Variants in SLIT1 observed in about 807,000 individuals in gnomAD.
The protein encoded by SLIT1 is slit homolog 1 protein.
In SLIT1, 66 loss-of-function variants were observed where a neutral mutation model predicts 186.1. The observed-to-expected ratio is 0.35, with a 90% CI of 0.29 to 0.44. SLIT1 has a LOEUF of 0.44. Ranked by LOEUF, SLIT1 falls within the 20% of genes least tolerant of loss-of-function variation. The pLI is 1.00. For missense variants in SLIT1, 1,638 were observed against 2,037.4 expected (o/e 0.80, Z 3.77); for synonymous variants, 761 against 833.8 (o/e 0.91, Z 1.50).
Position 97,031,035 on chromosome 10 carries a change from C to T in SLIT1, c.2511-207G>A, listed in dbSNP as rs113769001. ...CAGACGGCCCTGTCCCCAAGCCCTT[C>T]GGAGGACTGAAACACTGTGTTTACA... On this transcript the variant is annotated intron_variant, in intron 24 of 36. Coordinates refer to ENST00000266058, the MANE Select transcript of SLIT1 (RefSeq NM_003061.3). Among the ~76,000 whole-genome samples, 55 of 150,746 alleles carry T rather than the reference C, an allele frequency of 3.6e-4. No individual in the cohort carries two copies. The South Asian group carries it at 3.7e-3, about 10-fold the overall frequency.
At chr10:97,038,405 G>T (rs528113885) in intron 21 of SLIT1, among the ~76,000 whole-genome samples, 1 of 152,296 alleles carries the variant, frequency 6.6e-6, no homozygotes, top group Admixed American at 6.5e-5. Flanking sequence ...TCTTCTGTCT[G>T]TTCTCTGCAC....
intron 28 of SLIT1, among the ~76,000 whole-genome samples, chr10:97,014,401 T>C (rs1353648207): frequency 6.6e-6 from 1 of 152,132 alleles, no homozygotes; most frequent in East Asian, 1.9e-4. Context: ...AGGACCAGGA[T>C]GGTGTAAGCA....
In SLIT1 at chr10:97,004,556, G is replaced by T; in HGVS notation, c.3710+137C>A. ...TCAGCCCCAAGCTGGGGCTAACCCA[G>T]ATGGTTCAAGTGTCCTTCAAACTCA... On this transcript the variant is annotated intron_variant, in intron 33 of 36. Transcript: ENST00000266058. This position sits in a 1 kb window ranked among gnomAD's most constrained non-coding sequence, Gnocchi z 5.1. The T allele has an allele frequency of 1.9e-6, 2 of 1,053,400 alleles. No homozygotes were observed. Among genetic ancestry groups the T allele is most frequent in the Non-Finnish European group, 2.8e-6 (2 of 705,838 alleles). The allele number at this position is 1,053,400 out of a possible 1,614,324, so 65.3% of individuals were successfully genotyped here.
At chr10:97,053,262 T>A (rs1436920025) in intron 13 of SLIT1, among the ~76,000 whole-genome samples, 1 of 152,232 alleles carries the variant, frequency 6.6e-6, no homozygotes, top group Non-Finnish European at 1.5e-5. Context: ...CTCCTTAGCA[T>A]GTTTCTCTCA....
At position 97,006,488 on chromosome 10, in the gene SLIT1, A is replaced by C; in HGVS notation, c.3574T>G (p.Leu1192Val). The C allele has an allele frequency of 3.1e-6, 5 of 1,612,826 alleles. No homozygotes were observed. Among genetic ancestry groups the C allele is most frequent in the Non-Finnish European group, 4.2e-6 (5 of 1,178,900 alleles). Residue 1192 changes from leucine to valine, a missense_variant, in exon 32 of 37, where the codon TTG becomes GTG. By Grantham distance (32) the Leu-to-Val change is conservative (BLOSUM62 1). Around this residue, in one of 3 missense-constraint regions of SLIT1, gnomAD observed 173 missense variants for 290.9 expected, o/e 0.59. Transcript: ENST00000266058. This position sits in a 1 kb window ranked among gnomAD's most constrained non-coding sequence, Gnocchi z 4.0. ...CCAAGCCCCCTGGCACGCACCTGCA[A>C]CGTGATGTTGGCCCGTGGCCAGTTT... Reference protein sequence around the residue: ...LQNWPRANITLQVSTAEDNGI... With the variant: ...LQNWPRANITVQVSTAEDNGI...
At chr10:97,115,305 T>C (rs945995598) in intron 4 of SLIT1, among the ~76,000 whole-genome samples, 5 of 152,184 alleles carry the variant, frequency 3.3e-5, no homozygotes, top group African/African-American at 1.2e-4. Flanking sequence ...TCCTTGGAAT[T>C]GCCCTGAGAC....
intron 4 of SLIT1, among the ~76,000 whole-genome samples, chr10:97,085,419 G>C (rs969955024): frequency 6.7e-6 from 1 of 150,070 alleles, no homozygotes. Context: ...ATGGAGTCTC[G>C]CACTGTCACC....
intron 3 of SLIT1, among the ~76,000 whole-genome samples, chr10:97,158,640 C>T (rs1434108518): frequency 5.3e-5 from 7 of 131,572 alleles, no homozygotes; most frequent in East Asian, 2.2e-4. Context: ...CCAGCCTGGG[C>T]GACAGAGCGA....
rs541222821 is a variant in SLIT1 at position 97,001,239 on chromosome 10, G to A, written c.4478C>T (p.Pro1493Leu). Residue 1493 changes from proline to leucine, a missense_variant, in exon 37 of 37, where the codon CCA (proline) becomes CTA (leucine). Pro to Leu is a moderately conservative substitution (Grantham distance 98). Transcript: ENST00000266058. ...LSWVECRGSC[P>L]GQGCCQGLRL... ...AAGGCCCTGGCAGCAGCCCTGGCCTGGGCACGAGCCCCGGCACTCCACCCA... is the reference window on the plus strand; with the variant it reads ...AAGGCCCTGGCAGCAGCCCTGGCCTAGGCACGAGCCCCGGCACTCCACCCA... 8.1e-6 allele frequency: 13 copies of A among 1,613,064 alleles called. No homozygotes were observed. Among genetic ancestry groups the A allele is most frequent in the Admixed American group, 6.7e-5 (4 of 60,010 alleles).
Position 97,119,951 on chromosome 10 carries a change from A to G in SLIT1, c.413+37867T>C, listed in dbSNP as rs141392579. Among the ~76,000 whole-genome samples the G allele has an allele frequency of 2.6e-3, 371 of 141,876 alleles. 6 individuals carry two copies. Among genetic ancestry groups the G allele is most frequent in the African/African-American group, 9.3e-3 (361 of 38,910 alleles). 93.1% of individuals were successfully genotyped at this position (141,876 alleles called of 152,430 possible). On this transcript the variant is annotated intron_variant, in intron 4 of 36. Transcript: ENST00000266058. The stretch of plus-strand genomic sequence containing the variant: ...TATATATATATATATATATATGTAT[A>G]TGTATATAGATTCAAAAGTACTTAT...
rs1279372163 is a variant in SLIT1, at chr10:97,043,427, T to C, written c.1940A>G (p.Asn647Ser). ...RNVRLLSLYD[N>S]QITTVSPGAF... Reference sequence around the variant, plus strand: ...TCCTGGGGATACGGTGGTGATCTGGTTGTCGTAGAGCGAGAGGAGCCGGAC... The same window carrying C: ...TCCTGGGGATACGGTGGTGATCTGGCTGTCGTAGAGCGAGAGGAGCCGGAC... Residue 647 changes from asparagine (N) to serine (S), a missense_variant, in exon 19 of 37, where the codon AAC (asparagine) becomes AGC (serine). By Grantham distance (46) the Asn-to-Ser change is conservative. This residue lies in a region of SLIT1 where 1,245 missense variants were observed against 1,535.3 expected (regional missense o/e 0.81). Coordinates refer to ENST00000266058, the MANE Select transcript of SLIT1 (RefSeq NM_003061.3). The surrounding 1 kb of genome is among the most constrained non-coding windows in gnomAD (Gnocchi z 7.0). 2 of 1,613,908 alleles carry C rather than the reference T, an allele frequency of 1.2e-6. No individual in the cohort carries two copies. The highest frequency in any genetic ancestry group is 2.2e-5 in the South Asian group (2 of 91,050).
At chr10:97,070,799 T>C (rs1456639031) in intron 4 of SLIT1, among the ~76,000 whole-genome samples, 1 of 152,220 alleles carries the variant, frequency 6.6e-6, no homozygotes, top group Non-Finnish European at 1.5e-5. Context: ...CTGCTGTTTA[T>C]AAGCCACTTG....
intron 4 of SLIT1, among the ~76,000 whole-genome samples, chr10:97,139,062 C>G (rs1041864678): frequency 6.6e-6 from 1 of 152,176 alleles, no homozygotes; most frequent in Non-Finnish European, 1.5e-5. Flanking sequence ...ATGAGTTGGT[C>G]GGGTGAATGA....
At chr10:97,104,680 C>T (rs1208717670) in intron 4 of SLIT1, among the ~76,000 whole-genome samples, 2 of 152,062 alleles carry the variant, frequency 1.3e-5, no homozygotes, top group East Asian at 1.9e-4. Context: ...GCTACAGCCT[C>T]CCTCTCCCTG....
Position 97,052,384 on chromosome 10 carries a change from G to A in SLIT1, c.1302-3266C>T, listed in dbSNP as rs113298758. Reference sequence around the variant, plus strand: ...CAAAGCACTGGGATTACAGGTGTGAGCCACTGCACCTGGCCTGTATGATTC... The same window carrying A: ...CAAAGCACTGGGATTACAGGTGTGAACCACTGCACCTGGCCTGTATGATTC... On this transcript the variant is annotated intron_variant, in intron 13 of 36. Coordinates refer to ENST00000266058, the MANE Select transcript of SLIT1 (RefSeq NM_003061.3). Among the ~76,000 whole-genome samples the A allele has an allele frequency of 1.4e-3, 212 of 152,288 alleles. 1 individual carries two copies. The highest frequency in any genetic ancestry group is 4.9e-3 in the African/African-American group (204 of 41,560).
chr10:97,090,736 TTGCACCACACCAGGCTC>T (rs1849222164), intron 4 of SLIT1, among the ~76,000 whole-genome samples: 1 of 152,198 alleles, frequency 6.6e-6, no homozygotes. Context: ...CACTGAGTGC[TTGCACCACACCAGGCTC>T]TGCACCTTGG....
In SLIT1 at chr10:97,060,091, T is replaced by A; in HGVS notation, c.1009A>T (p.Arg337Trp). ...GAFSPYRKLR[R>W]IDLSNNQIAE... ...GAAGCAGTGGGAGGCACTCACATCCTCCGTAGCTTTCTGTAGGGTGAGAAG... is the reference window on the plus strand; with the variant it reads ...GAAGCAGTGGGAGGCACTCACATCCACCGTAGCTTTCTGTAGGGTGAGAAG... The change falls in exon 10 of 37, where the codon AGG (arginine) becomes TGG (tryptophan). Residue 337 changes from arginine (R) to tryptophan (W), a missense_variant. This residue lies in a region of SLIT1 where 1,245 missense variants were observed against 1,535.3 expected (regional missense o/e 0.81). Coordinates refer to ENST00000266058, the MANE Select transcript of SLIT1 (RefSeq NM_003061.3). 1 of 1,613,024 alleles carries A rather than the reference T, an allele frequency of 6.2e-7. No individual in the cohort carries two copies. The highest frequency in any genetic ancestry group is 1.1e-5 in the South Asian group (1 of 91,062).
chr10:97,046,207 G>A (rs918094225), intron 18 of SLIT1, among the ~76,000 whole-genome samples: 3 of 152,192 alleles, frequency 2.0e-5, no homozygotes, highest in Non-Finnish European at 4.4e-5. Context: ...ATTCTGGTCA[G>A]CTCAGGCTGG....
Position 97,004,815 on chromosome 10 carries a change from C to T in SLIT1, c.3588G>A (p.Thr1196=), listed in dbSNP as rs142073793. Residue 1196 remains threonine, a synonymous_variant, in exon 33 of 37, where the codon ACG becomes ACA. Transcript: ENST00000266058. This position sits in a 1 kb window ranked among gnomAD's most constrained non-coding sequence, Gnocchi z 5.1. ...PRANITLQVS[T]AEDNGILLYN... ...ACAGAAGGATCCCATTGTCCTCTGC[C>T]GTGGAGACCTGATGGGCAGTGGCAC... 162 of 1,614,134 alleles carry T rather than the reference C, an allele frequency of 1.0e-4. 2 individuals are homozygous for T. The South Asian group carries it at 1.4e-3, about 13-fold the overall frequency.
Sources: allele counts gnomAD v4.1 joint callset (sites outside exome capture counted in the v4.1 genomes callset), GRCh38; gene constraint gnomAD v4.1.1; regional missense constraint gnomAD v4.1.1; non-coding constraint Gnocchi (gnomAD v3.1); transcripts MANE v1.5; gene names NCBI Gene and HGNC (gene_info 2026-07-23, HGNC 2026-07-21).